The following CDH11 variants were observed in gnomAD, a reference collection of about 807,000 sequenced individuals.
The protein encoded by CDH11 is cadherin-11.
In CDH11, 11 loss-of-function variants were observed where a neutral mutation model predicts 67.8. The observed-to-expected ratio is 0.16, with a 90% CI of 0.10 to 0.27. The LOEUF (loss-of-function observed/expected upper bound fraction) is 0.27. Ranked by LOEUF, CDH11 falls within the 10% of genes least tolerant of loss-of-function variation. The pLI is 1.00. For missense variants in CDH11, 847 were observed against 1,031.2 expected, an observed-to-expected ratio of 0.82 and a Z score of 2.45; for synonymous variants, 419 against 400.0, an observed-to-expected ratio of 1.05 and a Z score of -0.57.
At chr16:65,033,292 C>T (rs533562859) in intron 2 of CDH11, among the ~76,000 whole-genome samples, 28 of 146,952 alleles carry the variant, frequency 1.9e-4, no homozygotes, top group African/African-American at 6.8e-4. Flanking sequence ...TGAGAAATCA[C>T]AAGCCAGTTT....
At position 64,975,032 on chromosome 16, in the gene CDH11, T is replaced by C. The variant is rs536804656; in HGVS notation, c.1254-1992A>G. Among the ~76,000 whole-genome samples, 26 of 152,302 alleles carry C rather than the reference T, an allele frequency of 1.7e-4. 1 individual carries two copies. Among genetic ancestry groups the C allele is most frequent in the Admixed American group, 1.6e-3 (25 of 15,294 alleles). On this transcript the variant is annotated intron_variant, in intron 8 of 12. Transcript: ENST00000268603. ...AATCTCACTATGTGGCCCCAGCTTG[T>C]CTTGAACAGCTGGGCTCAAGTCATC...
At chr16:64,962,052 G>A (rs1048991689) in intron 11 of CDH11, among the ~76,000 whole-genome samples, 10 of 152,092 alleles carry the variant, frequency 6.6e-5, no homozygotes, top group Admixed American at 6.5e-4. Flanking sequence ...TTTGAAAAGT[G>A]TAAATCTATG....
intron 1 of CDH11, among the ~76,000 whole-genome samples, chr16:65,092,122 G>T (rs776843096): frequency 5.3e-5 from 8 of 152,104 alleles, no homozygotes; most frequent in Non-Finnish European, 1.2e-4. Context: ...AGTCATAGAT[G>T]GCAGGGTCTG....
intron 1 of CDH11, among the ~76,000 whole-genome samples, chr16:65,105,873 C>A (rs973833950): frequency 2.6e-5 from 4 of 152,218 alleles, no homozygotes; most frequent in African/African-American, 9.6e-5. Context: ...TAAGCAAAGA[C>A]AGGCAATTCT....
At chr16:65,012,336 A>G (rs551750597) in intron 2 of CDH11, among the ~76,000 whole-genome samples, 1 of 152,250 alleles carries the variant, frequency 6.6e-6, no homozygotes, top group South Asian at 2.1e-4. Context: ...TCATAAACCA[A>G]CCATTGATTG....
At chr16:65,043,421 A>G (rs1336138186) in intron 2 of CDH11, among the ~76,000 whole-genome samples, 2 of 152,136 alleles carry the variant, frequency 1.3e-5, no homozygotes, top group Non-Finnish European at 2.9e-5. Flanking sequence ...AAACATAAAG[A>G]GAAGATGTGT....
intron 1 of CDH11, among the ~76,000 whole-genome samples, chr16:65,090,652 A>T (rs1036169148): frequency 6.6e-6 from 1 of 152,218 alleles, no homozygotes; most frequent in African/African-American, 2.4e-5. Flanking sequence ...CAATAAAATA[A>T]GGTTTTCCCA....
intron 2 of CDH11, among the ~76,000 whole-genome samples, chr16:65,010,986 T>C (rs200292279): frequency 1.1e-3 from 161 of 142,232 alleles, no homozygotes; most frequent in African/African-American, 2.1e-3. Context: ...TATATATATA[T>C]ACACACACAT....
rs928924286 is a variant in CDH11 at position 64,946,492 on chromosome 16, A to G, written c.*1111T>C. 9.7e-7 allele frequency: 1 copy of G among 1,031,034 alleles called. No individual in the cohort carries two copies. Among genetic ancestry groups the G allele is most frequent in the Non-Finnish European group, 1.2e-6 (1 of 857,270 alleles). The allele number at this position is 1,031,034 out of a possible 1,614,324, so 63.9% of individuals were successfully genotyped here. ...ACTATATAACACATATTGCAAAGTC[A>G]TAGACTGACCTAGTTCTTTCACATC... On this transcript the variant is annotated 3_prime_UTR_variant, in exon 13 of 13. Coordinates refer to ENST00000268603, the MANE Select transcript of CDH11 (RefSeq NM_001797.4).
At chr16:64,996,268 T>C (rs1263714404) in intron 4 of CDH11, among the ~76,000 whole-genome samples, 1 of 152,074 alleles carries the variant, frequency 6.6e-6, no homozygotes, top group Non-Finnish European at 1.5e-5. Flanking sequence ...GGTGAGCAGA[T>C]CACCTGAGGT....
Position 64,988,362 on chromosome 16 carries a change from C to A in CDH11, c.812-18G>T, listed in dbSNP as rs755192343. 5 of 1,578,286 alleles carry A rather than the reference C, an allele frequency of 3.2e-6. No individual in the cohort carries two copies. The African/African-American group carries it at 6.9e-5, about 22-fold the overall frequency. ...GTATACGCCTAGAAGAAGAAGACAT[C>A]TATTTTTATTTTCTCTTTTATTTGG... On this transcript the variant is annotated intron_variant, in intron 6 of 12. Coordinates refer to ENST00000268603, the MANE Select transcript of CDH11 (RefSeq NM_001797.4).
intron 6 of CDH11, among the ~76,000 whole-genome samples, chr16:64,990,890 T>A (rs1201729874): frequency 6.6e-6 from 1 of 152,176 alleles, no homozygotes. Context: ...CAAACAGTAA[T>A]CCTATTAATT....
intron 11 of CDH11, among the ~76,000 whole-genome samples, chr16:64,959,944 C>A (rs545097620): frequency 6.6e-6 from 1 of 152,280 alleles, no homozygotes; most frequent in African/African-American, 2.4e-5. Context: ...TTGCTTTCCA[C>A]GCAAACATTT....
chr16:65,071,766 G>A (rs2074421196), intron 1 of CDH11, among the ~76,000 whole-genome samples: 1 of 152,146 alleles, frequency 6.6e-6, no homozygotes, highest in Non-Finnish European at 1.5e-5. Flanking sequence ...CAACCAGGCT[G>A]GAATAAAAAC....
chr16:65,107,368 G>A (rs1258028872), intron 1 of CDH11, among the ~76,000 whole-genome samples: 2 of 152,192 alleles, frequency 1.3e-5, no homozygotes, highest in African/African-American at 2.4e-5. Context: ...CGCAGTGTGT[G>A]CATACAGTAA....
intron 1 of CDH11, among the ~76,000 whole-genome samples, chr16:65,062,985 C>T (rs2074256739): frequency 6.6e-6 from 1 of 152,176 alleles, no homozygotes; most frequent in Admixed American, 6.5e-5. Context: ...ACTGGATTCA[C>T]CCAGGGTCGG....
At chr16:64,988,484 G>A (rs1362103100) in intron 6 of CDH11, 140 bp from the exon 7 acceptor site, 1 of 729,658 alleles carries the variant, frequency 1.4e-6, no homozygotes, top group Non-Finnish European at 2.2e-6. Context: ...AGAAGTGAGT[G>A]GATGTGGGGA....
At chr16:65,009,536 G>T (rs1193469794) in intron 2 of CDH11, among the ~76,000 whole-genome samples, 1 of 152,046 alleles carries the variant, frequency 6.6e-6, no homozygotes, top group East Asian at 1.9e-4. Context: ...TGTATTCAGT[G>T]GTAGGGACTT....
chr16:64,946,370 G>A lies in CDH11; in HGVS notation c.*1233C>T, dbSNP rs2071197037. 9.0e-6 allele frequency: 9 copies of A among 998,530 alleles called. No homozygotes were observed. Among genetic ancestry groups the A allele is most frequent in the African/African-American group, 1.7e-5 (1 of 59,280 alleles). The allele number at this position is 998,530 out of a possible 1,614,324, so 61.9% of individuals were successfully genotyped here. ...TCCCCAGTGCTCAGTGTGGGGCATA[G>A]AATGTATACCTGGAACATTAGAGTT... On this transcript the variant is annotated 3_prime_UTR_variant, in exon 13 of 13. Coordinates refer to ENST00000268603, the MANE Select transcript of CDH11 (RefSeq NM_001797.4).
Sources: gnomAD v4.1 joint callset for allele counts (sites outside exome capture counted in the v4.1 genomes callset) on GRCh38, gnomAD v4.1.1 for gene constraint, MANE v1.5 for transcripts, NCBI Gene and HGNC (gene_info 2026-07-23, HGNC 2026-07-21) for gene names.